The following MYBPC1 variants were observed in gnomAD, a reference collection of about 807,000 sequenced individuals.
MYBPC1 encodes myosin binding protein C1.
A neutral mutation model predicts 147.1 loss-of-function variants in MYBPC1; 52 were observed. The observed-to-expected ratio is 0.35, with a 90% CI of 0.28 to 0.45. MYBPC1 has a LOEUF of 0.45. Among genes scored for constraint, MYBPC1 ranks in the 20% least tolerant of loss-of-function variants. The pLI is 1.00. For synonymous variants in MYBPC1, 477 were observed against 475.9 expected (o/e 1.00, Z -0.03); for missense variants, 1,228 against 1,440.3 (o/e 0.85, Z 2.39).
intron 1 of MYBPC1, among the ~76,000 whole-genome samples, chr12:101,599,358 CT>C (rs549752477): frequency 1.3e-5 from 2 of 151,944 alleles, no homozygotes; most frequent in African/African-American, 4.8e-5. Flanking sequence ...ATTTCTGTAT[CT>C]TTTTTTTCTT....
Position 101,644,712 on chromosome 12 carries a change from G to A in MYBPC1, c.881G>A (p.Arg294Lys), listed in dbSNP as rs759292277. 3 of 1,614,072 alleles carry A rather than the reference G, an allele frequency of 1.9e-6. No homozygotes were observed. The highest frequency in any genetic ancestry group is 2.7e-5 in the African/African-American group (2 of 75,052). The part of the protein sequence containing the change: ...DPAYQVDKGG[R>K]VRFVVELADP... ...GCATATCAGGTTGACAAAGGAGGCA[G>A]AGTGAGGTTTGTTGTGGAGCTGGCA... The change falls in exon 12 of 32, where the codon AGA (arginine) becomes AAA (lysine). Residue 294 changes from arginine to lysine, a missense_variant. Arg to Lys is a conservative substitution (Grantham distance 26). Coordinates refer to ENST00000361466, the MANE Select transcript of MYBPC1 (RefSeq NM_002465.4).
intron 1 of MYBPC1, among the ~76,000 whole-genome samples, chr12:101,601,964 C>A (rs1274382594): frequency 6.6e-6 from 1 of 152,132 alleles, no homozygotes. Context: ...GGTTGTTATG[C>A]ACACAGTATG....
At chr12:101,677,882 A>G (rs2136812980) in intron 27 of MYBPC1, among the ~76,000 whole-genome samples, 1 of 152,328 alleles carries the variant, frequency 6.6e-6, no homozygotes, top group South Asian at 2.1e-4. Flanking sequence ...TCTTCTCAAT[A>G]TCTGGTTCAG....
intron 28 of MYBPC1, among the ~76,000 whole-genome samples, chr12:101,680,043 G>T (rs1368447739): frequency 6.6e-6 from 1 of 152,192 alleles, no homozygotes; most frequent in African/African-American, 2.4e-5. Context: ...TGTTCATCCT[G>T]TAACTGAAAG....
At chr12:101,617,352 C>A in intron 3 of MYBPC1, 109 bp downstream of exon 3, 1 of 1,196,606 alleles carries the variant, frequency 8.4e-7, no homozygotes, top group Non-Finnish European at 1.2e-6. Context: ...CATTATCTTT[C>A]GTTCTGCCTT....
chr12:101,663,873 C>T (rs1283132078), intron 22 of MYBPC1, among the ~76,000 whole-genome samples: 3 of 152,060 alleles, frequency 2.0e-5, no homozygotes, highest in Non-Finnish European at 4.4e-5. Context: ...TGAATTGCAC[C>T]ACAGCAATAT....
chr12:101,597,971 A>G (rs923957498), intron 1 of MYBPC1, among the ~76,000 whole-genome samples: 3 of 151,824 alleles, frequency 2.0e-5, no homozygotes, highest in African/African-American at 7.3e-5. Context: ...TAAGTGCCCG[A>G]AAGTTAATTG....
intron 2 of MYBPC1, among the ~76,000 whole-genome samples, chr12:101,616,001 A>G (rs1885951336): frequency 6.6e-6 from 1 of 151,138 alleles, no homozygotes; most frequent in Admixed American, 6.6e-5. Context: ...CTTGGGCGCA[A>G]GCAGAGATTG....
intron 10 of MYBPC1, among the ~76,000 whole-genome samples, chr12:101,638,097 G>A (rs1323905680): frequency 6.6e-6 from 1 of 152,142 alleles, no homozygotes; most frequent in East Asian, 1.9e-4. Context: ...TTATGAGTCA[G>A]CTCATTTCCT....
chr12:101,652,925 TG>T, intron 17 of MYBPC1, 141 bp downstream of exon 17: 1 of 1,068,822 alleles, frequency 9.4e-7, no homozygotes, highest in Non-Finnish European at 1.4e-6. Flanking sequence ...TCAGAAAGAT[TG>T]GTGACTTATA....
chr12:101,686,636 G>A (rs142496577), downstream of MYBPC1, among the ~76,000 whole-genome samples: 38 of 152,238 alleles, frequency 2.5e-4, no homozygotes, highest in East Asian at 6.4e-3. Flanking sequence ...TTATTCCCTC[G>A]CCTCCCCTCT....
chr12:101,651,512 T>C, intron 16 of MYBPC1, 119 bp downstream of exon 16: 1 of 1,341,856 alleles, frequency 7.5e-7, no homozygotes, highest in Non-Finnish European at 1.1e-6. Flanking sequence ...CATCTATTCC[T>C]GATTCTTCGC....
intron 3 of MYBPC1, among the ~76,000 whole-genome samples, chr12:101,622,019 C>T (rs926860520): frequency 2.6e-5 from 4 of 152,186 alleles, no homozygotes; most frequent in African/African-American, 7.2e-5. Flanking sequence ...TAGTAAACTG[C>T]CCTTCTATGT....
intron 28 of MYBPC1, among the ~76,000 whole-genome samples, chr12:101,679,117 C>G (rs1276927748): frequency 6.9e-6 from 1 of 145,374 alleles, no homozygotes; most frequent in Admixed American, 7.0e-5. Context: ...CCACTGCACT[C>G]TAGTCTGGGT....
chr12:101,598,338 GGAAATTTCTCTTTTCCAGTCAAAAA>G (rs1878320261), intron 1 of MYBPC1, among the ~76,000 whole-genome samples: 2 of 151,916 alleles, frequency 1.3e-5, no homozygotes, highest in South Asian at 4.2e-4. Context: ...ACCTTTCACT[GGAAATTTCTCTTTTCCAGTCAAAAA>G]GAAATTTTAT....
intron 20 of MYBPC1, 58 bp downstream of exon 20, chr12:101,661,320 A>T: frequency 9.3e-7 from 1 of 1,077,880 alleles, no homozygotes; most frequent in Non-Finnish European, 1.4e-6. Context: ...CTCTTTACGC[A>T]TCTTAGTACA....
chr12:101,608,483 C>A (rs946077426), intron 1 of MYBPC1, among the ~76,000 whole-genome samples: 1 of 152,218 alleles, frequency 6.6e-6, no homozygotes, highest in Non-Finnish European at 1.5e-5. Flanking sequence ...CAGAACTTTG[C>A]CCTTTGGCTT....
At position 101,685,764 on chromosome 12, in the gene MYBPC1, A is replaced by T; in HGVS notation, c.*202A>T. 2 of 994,516 alleles carry T rather than the reference A, an allele frequency of 2.0e-6. No individual in the cohort carries two copies. Among genetic ancestry groups the T allele is most frequent in the African/African-American group, 1.7e-5 (1 of 59,054 alleles). The allele number at this position is 994,516 out of a possible 1,614,324, so 61.6% of individuals were successfully genotyped here. ...GAGAAAAAGCATTTTCTGTTTTCCC[A>T]CCAGGCCCCCAAGTGTGGTCTTTTT... On this transcript the variant is annotated 3_prime_UTR_variant, in exon 32 of 32. Transcript: ENST00000361466.
chr12:101,637,797 C>T (rs1014163962), intron 10 of MYBPC1, among the ~76,000 whole-genome samples: 2 of 152,086 alleles, frequency 1.3e-5, no homozygotes, highest in African/African-American at 4.8e-5. Context: ...GAAAAATTTA[C>T]CCCTATCCCT....
Sources: gnomAD v4.1 joint callset for allele counts (sites outside exome capture counted in the v4.1 genomes callset) on GRCh38, gnomAD v4.1.1 for gene constraint, MANE v1.5 for transcripts, NCBI Gene and HGNC (gene_info 2026-07-23, HGNC 2026-07-21) for gene names.